Variants in TMEM156 observed in about 807,000 individuals in gnomAD.
TMEM156 encodes transmembrane protein 156.
A neutral mutation model predicts 30.5 loss-of-function variants in TMEM156; 28 were observed. The ratio of observed to expected loss-of-function variants is 0.92; its 90% CI spans 0.68 to 1.26. TMEM156 has a LOEUF of 1.26. Ranked by LOEUF, TMEM156 falls within the 50% of genes most tolerant of loss-of-function variation. The pLI, the probability that TMEM156 is intolerant of heterozygous loss-of-function variation, is 0.00. For synonymous variants in TMEM156, 137 were observed against 119.9 expected (o/e 1.14, Z -0.93); for missense variants, 351 against 340.6 (o/e 1.03, Z -0.24).
chr4:38,994,598 C>G (rs1449516476), intron 2 of TMEM156, among the ~76,000 whole-genome samples: 1 of 152,172 alleles, frequency 6.6e-6, no homozygotes, highest in Non-Finnish European at 1.5e-5. Flanking sequence ...CCATTCCACA[C>G]TGTACTAGTT....
At chr4:38,969,711 G>A (rs559263075) in intron 6 of TMEM156, among the ~76,000 whole-genome samples, 172 of 152,250 alleles carry the variant, frequency 1.1e-3, no homozygotes, top group African/African-American at 4.0e-3. Context: ...TCCTGCCTCA[G>A]CCTCCCCAGT....
At chr4:38,967,921 G>A (rs1324826128) in intron 6 of TMEM156, among the ~76,000 whole-genome samples, 1 of 152,178 alleles carries the variant, frequency 6.6e-6, no homozygotes, top group Non-Finnish European at 1.5e-5. Flanking sequence ...TTGCTAAATG[G>A]AACAGTAGTT....
rs71304784 is a variant in TMEM156, at chr4:38,990,830, G to GTTTTTTTTTTTTTT, written c.620-1874_620-1861dup. Reference sequence around the variant, plus strand: ...CTTTGTTTTTTTGGTTTGTTTTCTGGTTTTTTTTTTTTTTTTTTTTTTTGA... The same window carrying GTTTTTTTTTTTTTT: ...CTTTGTTTTTTTGGTTTGTTTTCTGGTTTTTTTTTTTTTTTTTTTTTTTTTTTTTTTTTTTTTGA... On this transcript the variant is annotated intron_variant, in intron 3 of 6. Transcript: ENST00000381938. Among the ~76,000 whole-genome samples the GTTTTTTTTTTTTTT allele has an allele frequency of 3.4e-4, 28 of 81,212 alleles. 1 individual carries two copies. In the East Asian group the frequency reaches 7.6e-3, roughly 22 times the overall value. The allele number at this position is 81,212 out of a possible 152,430, so 53.3% of individuals were successfully genotyped here.
chr4:38,971,909 C>T (rs1204698595), intron 5 of TMEM156, among the ~76,000 whole-genome samples: 1 of 152,068 alleles, frequency 6.6e-6, no homozygotes, highest in African/African-American at 2.4e-5. Flanking sequence ...CCTGCCTCAG[C>T]CTCCCGAGTA....
chr4:39,027,694 T>C (rs995794769), intron 1 of TMEM156, among the ~76,000 whole-genome samples: 1 of 150,890 alleles, frequency 6.6e-6, no homozygotes, highest in Non-Finnish European at 1.5e-5. Flanking sequence ...TAGCTGGGAT[T>C]ACAGGCACAT....
In TMEM156 at chr4:38,993,919, A is replaced by T; in HGVS notation, c.438T>A (p.Ala146=). The T allele has an allele frequency of 6.2e-7, 1 of 1,614,114 alleles. No individual in the cohort carries two copies. Among genetic ancestry groups the T allele is most frequent in the Non-Finnish European group, 8.5e-7 (1 of 1,180,004 alleles). The change falls in exon 3 of 7, where the codon GCT becomes GCA. Residue 146 remains alanine, a synonymous_variant. Coordinates refer to ENST00000381938, the MANE Select transcript of TMEM156 (RefSeq NM_024943.3). ...SPCQHFNFSV[A]PLVDHLEEYN... ...ATTCCTCCAAGTGGTCAACCAGAGGAGCTACACTGAAGTTAAAGTGCTGAC... is the reference window on the plus strand; with the variant it reads ...ATTCCTCCAAGTGGTCAACCAGAGGTGCTACACTGAAGTTAAAGTGCTGAC...
At chr4:39,030,087 TGTGCCTGTA>T (rs575760199) in intron 1 of TMEM156, among the ~76,000 whole-genome samples, 31 of 151,752 alleles carry the variant, frequency 2.0e-4, no homozygotes, top group African/African-American at 7.2e-4. Context: ...TGTGGTGGTA[TGTGCCTGTA>T]GTCCCAGCTG....
At chr4:39,021,318 C>T (rs775476869) in intron 1 of TMEM156, among the ~76,000 whole-genome samples, 3 of 150,456 alleles carry the variant, frequency 2.0e-5, no homozygotes, top group South Asian at 2.1e-4. Context: ...GTGGGTGGAC[C>T]GCTTGAGCCC....
At chr4:39,004,926 G>A (rs111620353) in intron 1 of TMEM156, among the ~76,000 whole-genome samples, 3 of 152,154 alleles carry the variant, frequency 2.0e-5, no homozygotes, top group African/African-American at 2.4e-5. Flanking sequence ...AGACCTGTAC[G>A]TGAATTTTTA....
intron 5 of TMEM156, among the ~76,000 whole-genome samples, chr4:38,971,915 G>A (rs1041113905): frequency 4.0e-5 from 6 of 151,666 alleles, no homozygotes; most frequent in Non-Finnish European, 8.8e-5. Context: ...TCAGCCTCCC[G>A]AGTAGCTGGG....
At chr4:39,019,481 G>T (rs547390366) in intron 1 of TMEM156, among the ~76,000 whole-genome samples, 9 of 152,146 alleles carry the variant, frequency 5.9e-5, no homozygotes, top group Middle Eastern at 3.4e-3. Context: ...AAATGTGGCA[G>T]AGCATTGGAT....
intron 5 of TMEM156, among the ~76,000 whole-genome samples, chr4:38,978,053 T>C (rs530059840): frequency 1.3e-5 from 2 of 152,322 alleles, no homozygotes; most frequent in African/African-American, 4.8e-5. Context: ...ACTTGCAAGG[T>C]GTTTTCGTTA....
chr4:38,980,687 G>A (rs566703929), intron 5 of TMEM156, among the ~76,000 whole-genome samples: 9 of 152,270 alleles, frequency 5.9e-5, no homozygotes, highest in South Asian at 4.2e-4. Context: ...AAGGAGAATC[G>A]ACCTAGTCCA....
chr4:38,975,117 C>A (rs1483590795), intron 5 of TMEM156, among the ~76,000 whole-genome samples: 5 of 152,072 alleles, frequency 3.3e-5, no homozygotes, highest in Non-Finnish European at 7.4e-5. Context: ...ACCCTTTAGA[C>A]TTCTAAAGGG....
At chr4:38,990,835 T>TTTTTTTTGTTTTTTTTTG (rs1387088647) in intron 3 of TMEM156, among the ~76,000 whole-genome samples, 3 of 126,242 alleles carry the variant, frequency 2.4e-5, no homozygotes, top group Non-Finnish European at 3.4e-5. Flanking sequence ...TTCTGGTTTT[T>TTTTTTTTGTTTTTTTTTG]TTTTTTTTTT....
At chr4:38,988,728 G>A (rs745349358) in intron 4 of TMEM156, 123 bp downstream of exon 4, 151 of 1,284,384 alleles carry the variant, frequency 1.2e-4, no homozygotes, top group Non-Finnish European at 1.5e-4. Context: ...TTTATTCCTT[G>A]AGTTACCAAG....
chr4:39,012,604 G>A (rs1462438844), intron 1 of TMEM156, among the ~76,000 whole-genome samples: 6 of 152,140 alleles, frequency 3.9e-5, no homozygotes, highest in African/African-American at 1.4e-4. Context: ...TCAGGAGTTC[G>A]AGACCAGCCT....
At chr4:39,028,176 C>T (rs1005251758) in intron 1 of TMEM156, among the ~76,000 whole-genome samples, 14 of 152,364 alleles carry the variant, frequency 9.2e-5, no homozygotes, top group Admixed American at 9.1e-4. Flanking sequence ...GCGTGAGCCA[C>T]TGCACCCAGC....
intron 1 of TMEM156, among the ~76,000 whole-genome samples, chr4:39,001,090 A>T (rs1056716881): frequency 6.6e-6 from 1 of 151,880 alleles, no homozygotes; most frequent in African/African-American, 2.4e-5. Flanking sequence ...TCCCAGTCTG[A>T]TAGTCTTTTG....
Sources: gnomAD v4.1 joint callset for allele counts (sites outside exome capture counted in the v4.1 genomes callset) on GRCh38, gnomAD v4.1.1 for gene constraint, MANE v1.5 for transcripts, NCBI Gene and HGNC (gene_info 2026-07-23, HGNC 2026-07-21) for gene names.